Variants in PUS7 observed in about 807,000 individuals in gnomAD.
The protein encoded by PUS7 is pseudouridylate synthase 7 homolog.
A neutral mutation model predicts 79.8 loss-of-function variants in PUS7; 48 were observed. That is an observed-to-expected ratio of 0.60 (90% CI 0.48 to 0.76). PUS7 has a LOEUF of 0.76. Ranked by LOEUF, PUS7 falls within the 30% of genes least tolerant of loss-of-function variation. The pLI is 0.00. For synonymous variants in PUS7, 286 were observed against 272.2 expected, an observed-to-expected ratio of 1.05 and a Z score of -0.50; for missense variants, 729 against 797.6, an observed-to-expected ratio of 0.91 and a Z score of 1.04.
chr7:105,472,558 A>C (rs909994197), intron 9 of PUS7, among the ~76,000 whole-genome samples: 2 of 152,178 alleles, frequency 1.3e-5, no homozygotes, highest in Non-Finnish European at 2.9e-5. Flanking sequence ...TTAAACTTAA[A>C]AGTAGGCAGA....
chr7:105,457,745 A>C lies in PUS7; in HGVS notation c.*45T>G. ...GACAAAAATGCACAGGGAGCCAGGA[A>C]GCAAACACTTGTGTACGTTTTCTAA... On this transcript the variant is annotated 3_prime_UTR_variant, in exon 16 of 16. Coordinates refer to ENST00000469408, the MANE Select transcript of PUS7 (RefSeq NM_019042.5). 1 of 1,593,398 alleles carries C rather than the reference A, an allele frequency of 6.3e-7. No homozygotes were observed. Among genetic ancestry groups the C allele is most frequent in the Non-Finnish European group, 8.6e-7 (1 of 1,167,914 alleles).
chr7:105,486,767 A>G (rs748236667), intron 7 of PUS7, among the ~76,000 whole-genome samples: 1 of 152,034 alleles, frequency 6.6e-6, no homozygotes, highest in Non-Finnish European at 1.5e-5. Context: ...AACATAATAT[A>G]AAATTCACAA....
At chr7:105,464,114 C>T (rs1029890020) in intron 13 of PUS7, among the ~76,000 whole-genome samples, 1 of 152,170 alleles carries the variant, frequency 6.6e-6, no homozygotes, top group African/African-American at 2.4e-5. Context: ...TCATGAATGG[C>T]TTTGTCAAAG....
intron 1 of PUS7, among the ~76,000 whole-genome samples, chr7:105,510,858 T>C (rs964413939): frequency 6.6e-6 from 1 of 152,074 alleles, no homozygotes; most frequent in Admixed American, 6.6e-5. Flanking sequence ...ACTTTTTCTA[T>C]GTTAATTACA....
chr7:105,504,070 CTT>C (rs11455671), intron 4 of PUS7, among the ~76,000 whole-genome samples: 16 of 136,940 alleles, frequency 1.2e-4, no homozygotes, highest in Admixed American at 1.5e-4. Context: ...CTTGATGACA[CTT>C]TTTTTTTTTT....
intron 14 of PUS7, among the ~76,000 whole-genome samples, chr7:105,461,950 G>A (rs939654254): frequency 1.3e-5 from 2 of 152,056 alleles, no homozygotes; most frequent in Non-Finnish European, 2.9e-5. Flanking sequence ...GGCCGAGGTG[G>A]GAGGATTGCT....
intron 6 of PUS7, among the ~76,000 whole-genome samples, chr7:105,492,802 C>T (rs6960696): frequency 0.15 from 23,235 of 151,824 alleles, 1,714 homozygotes; most frequent in South Asian, 0.18. Flanking sequence ...CCACCGCGCC[C>T]GGCCGATTTT....
chr7:105,494,388 A>T (rs1824915634), intron 6 of PUS7, among the ~76,000 whole-genome samples: 1 of 145,874 alleles, frequency 6.9e-6, no homozygotes, highest in South Asian at 2.2e-4. Context: ...TGCACTTCCT[A>T]TCCATGATCA....
rs199676352 is a variant in PUS7, at chr7:105,506,046, T to C, written c.494A>G (p.Glu165Gly). The stretch of plus-strand genomic sequence containing the variant: ...AGCTGTCAAAACTGTAAATATGTCT[T>C]CTGAAGGGTCCTTTAAAATAACCAT... The part of the protein sequence containing the change: ...SIPVDEEDPS[E>G]DIFTVLTAEE... Residue 165 changes from glutamate (E) to glycine (G), a missense_variant, in exon 4 of 16, where the codon GAA becomes GGA. Coordinates refer to ENST00000469408, the MANE Select transcript of PUS7 (RefSeq NM_019042.5). 49 of 1,613,132 alleles carry C rather than the reference T, an allele frequency of 3.0e-5. No homozygotes were observed. The highest frequency in any genetic ancestry group is 1.3e-4 in the Admixed American group (8 of 59,838).
intron 1 of PUS7, 124 bp downstream of exon 1, chr7:105,521,928 G>C (rs930039527): frequency 6.6e-6 from 1 of 152,518 alleles, no homozygotes; most frequent in Non-Finnish European, 1.5e-5. Flanking sequence ...TGACCACTGC[G>C]GGGCCGCCTT....
rs955462909 is a variant in PUS7 at position 105,469,438 on chromosome 7, G to A, written c.1399-975C>T. On this transcript the variant is annotated intron_variant, in intron 11 of 15. Transcript: ENST00000469408. Reference sequence around the variant, plus strand: ...TCTGAGTAGCTGAGGCTATAGGTGCGCACCACCATGTCCAGATAATCGTTT... The same window carrying A: ...TCTGAGTAGCTGAGGCTATAGGTGCACACCACCATGTCCAGATAATCGTTT... Among the ~76,000 whole-genome samples the A allele has an allele frequency of 4.1e-4, 62 of 151,900 alleles. 1 individual carries two copies. The highest frequency in any genetic ancestry group is 8.8e-5 in the Non-Finnish European group (6 of 67,952).
Position 105,482,361 on chromosome 7 carries a change from G to T in PUS7, c.1000C>A (p.Pro334Thr), listed in dbSNP as rs1315625966. Residue 334 changes from proline to threonine, a missense_variant, in exon 8 of 16, where the codon CCA becomes ACA. By Grantham distance (38) the Pro-to-Thr change is conservative. Transcript: ENST00000469408. Reference sequence around the variant, plus strand: ...CCTTGAAGCTCTCCCAATTTCAGTGGGTTTTTTTGATAGCTGAAATTCCCT... The same window carrying T: ...CCTTGAAGCTCTCCCAATTTCAGTGTGTTTTTTTGATAGCTGAAATTCCCT... ...KLGNFSYQKN[P>T]LKLGELQGNH... 1.2e-6 allele frequency: 2 copies of T among 1,612,890 alleles called. No individual in the cohort carries two copies. The highest frequency in any genetic ancestry group is 4.5e-5 in the East Asian group (2 of 44,882).
intron 6 of PUS7, among the ~76,000 whole-genome samples, chr7:105,493,562 C>G (rs923817915): frequency 2.6e-5 from 4 of 152,194 alleles, no homozygotes; most frequent in Non-Finnish European, 5.9e-5. Context: ...TGTTGAAGCT[C>G]TGACCCCCCA....
intron 9 of PUS7, 105 bp downstream of exon 9, chr7:105,480,947 G>T: frequency 7.7e-7 from 1 of 1,306,024 alleles, no homozygotes; most frequent in Non-Finnish European, 1.0e-6. Flanking sequence ...TGGTTCATTT[G>T]CCCCAGACAT....
In PUS7 at chr7:105,456,851, T is replaced by C. The variant is rs1823208609; in HGVS notation, c.*939A>G. 6.6e-6 allele frequency: 1 copy of C among 151,808 alleles called. No homozygotes were observed. Among genetic ancestry groups the C allele is most frequent in the Non-Finnish European group, 1.5e-5 (1 of 67,978 alleles). 9.4% of individuals were successfully genotyped at this position (151,808 alleles called of 1,614,324 possible). ...GGCACCTAGAGTAAAAATTAGACCT[T>C]AACTAATAAAACAGCTGTACACGTT... On this transcript the variant is annotated 3_prime_UTR_variant, in exon 16 of 16. Transcript: ENST00000469408.
At position 105,467,051 on chromosome 7, in the gene PUS7, T is replaced by G. The variant is rs1019214331; in HGVS notation, c.1525+1286A>C. The stretch of plus-strand genomic sequence containing the variant: ...TTTTTTCTGTTTTTTTTTTTTTTTT[T>G]TTTTTTTTTTTAACTAGCTGTGGAA... On this transcript the variant is annotated intron_variant, in intron 12 of 15. Coordinates refer to ENST00000469408, the MANE Select transcript of PUS7 (RefSeq NM_019042.5). Among the ~76,000 whole-genome samples the G allele has an allele frequency of 1.0e-4, 15 of 143,874 alleles. No individual in the cohort carries two copies. In the South Asian group the frequency reaches 1.3e-3, roughly 13 times the overall value. 94.4% of individuals were successfully genotyped at this position (143,874 alleles called of 152,430 possible).
chr7:105,464,456 G>A (rs1189654088), intron 13 of PUS7, among the ~76,000 whole-genome samples: 1 of 152,166 alleles, frequency 6.6e-6, no homozygotes, highest in African/African-American at 2.4e-5. Flanking sequence ...CTGCCCTCAA[G>A]GTGGGCACAC....
chr7:105,485,717 T>C (rs138001565), intron 7 of PUS7, among the ~76,000 whole-genome samples: 1 of 152,382 alleles, frequency 6.6e-6, no homozygotes, highest in African/African-American at 2.4e-5. Flanking sequence ...TTTGAATACG[T>C]ACTAAATCCT....
At chr7:105,463,758 G>T (rs1823529376) in intron 13 of PUS7, among the ~76,000 whole-genome samples, 1 of 151,338 alleles carries the variant, frequency 6.6e-6, no homozygotes, top group South Asian at 2.1e-4. Flanking sequence ...TTGAATATGA[G>T]GTGTCATACA....
Sources: gnomAD v4.1 joint callset for allele counts (sites outside exome capture counted in the v4.1 genomes callset) on GRCh38, gnomAD v4.1.1 for gene constraint, MANE v1.5 for transcripts, NCBI Gene and HGNC (gene_info 2026-07-23, HGNC 2026-07-21) for gene names.